Variants in CLASP1 observed in about 807,000 individuals in gnomAD.
CLASP1 encodes the protein cytoplasmic linker associated protein 1.
In CLASP1, 38 loss-of-function variants were observed where a neutral mutation model predicts 192.3. The ratio of observed to expected loss-of-function variants is 0.20; its 90% confidence interval spans 0.15 to 0.26. The LOEUF (loss-of-function observed/expected upper bound fraction) is 0.26, where lower values mean the gene tolerates loss of function less well. CLASP1 is among the 10% of genes least tolerant of loss of function. CLASP1 has a pLI of 1.00. For missense variants in CLASP1, 1,433 were observed against 1,932.5 expected (o/e 0.74, Z 4.85); for synonymous variants, 691 against 712.8 (o/e 0.97, Z 0.49).
chr2:121,590,328 T>A (rs2105736206), intron 2 of CLASP1, among the ~76,000 whole-genome samples: 1 of 152,278 alleles, frequency 6.6e-6, no homozygotes, highest in East Asian at 1.9e-4. Context: ...TCAAGTGCAG[T>A]GATGCTATGG....
intron 1 of CLASP1, among the ~76,000 whole-genome samples, chr2:121,638,765 T>A (rs1418861095): frequency 1.3e-5 from 2 of 151,638 alleles, no homozygotes; most frequent in Non-Finnish European, 2.9e-5. Context: ...CCTCCCAGGA[T>A]CAAGCAATTC....
chr2:121,639,394 T>G (rs750871851), intron 1 of CLASP1, among the ~76,000 whole-genome samples: 4 of 152,184 alleles, frequency 2.6e-5, no homozygotes, highest in Non-Finnish European at 5.9e-5. Context: ...GCAAATCCAT[T>G]GAGTCAGAAA....
chr2:121,459,099 C>T (rs1238352068), intron 12 of CLASP1, 124 bp from the exon 13 acceptor site: 5 of 620,186 alleles, frequency 8.1e-6, no homozygotes, highest in Admixed American at 3.1e-5. Context: ...CTGAGATTTC[C>T]GATGTGCATG....
chr2:121,382,353 G>A (rs1316785285), intron 32 of CLASP1, 29 bp from the exon 34 acceptor site: 4 of 1,423,822 alleles, frequency 2.8e-6, no homozygotes, highest in South Asian at 1.4e-5. Flanking sequence ...GAAAATCAGA[G>A]AGAGAAATAC....
intron 22 of CLASP1, among the ~76,000 whole-genome samples, chr2:121,421,932 C>T (rs562810828): frequency 6.6e-4 from 100 of 152,340 alleles, no homozygotes; most frequent in Non-Finnish European, 1.3e-3. Context: ...AGTCTTGTCT[C>T]TTTAAGTGCC....
intron 2 of CLASP1, among the ~76,000 whole-genome samples, chr2:121,580,127 T>C (rs2060964381): frequency 6.6e-6 from 1 of 152,240 alleles, no homozygotes; most frequent in African/African-American, 2.4e-5. Context: ...ATTGTCCATA[T>C]ATTAAAGATG....
chr2:121,544,076 A>G (rs190415278), intron 2 of CLASP1, among the ~76,000 whole-genome samples: 10 of 152,348 alleles, frequency 6.6e-5, no homozygotes, highest in South Asian at 6.2e-4. Flanking sequence ...TAGTCTTACA[A>G]AAGGGCAAAC....
chr2:121,503,506 G>C (rs2150254183), intron 7 of CLASP1, among the ~76,000 whole-genome samples: 1 of 152,316 alleles, frequency 6.6e-6, no homozygotes, highest in African/African-American at 2.4e-5. Context: ...GGAGATTCTA[G>C]CCCTGAGAGT....
chr2:121,624,101 T>A (rs1326235245), intron 1 of CLASP1, among the ~76,000 whole-genome samples: 1 of 152,188 alleles, frequency 6.6e-6, no homozygotes, highest in East Asian at 1.9e-4. Flanking sequence ...ATTTTTGGTT[T>A]GATTTTCCCT....
At chr2:121,642,534 C>T (rs950567568) in intron 1 of CLASP1, among the ~76,000 whole-genome samples, 7 of 151,782 alleles carry the variant, frequency 4.6e-5, no homozygotes, top group African/African-American at 1.7e-4. Context: ...GAGTTCGAGA[C>T]CAGCCTGGCC....
intron 4 of CLASP1, 57 bp downstream of exon 4, chr2:121,528,620 G>T: frequency 1.5e-6 from 2 of 1,313,058 alleles, no homozygotes; most frequent in Non-Finnish European, 2.2e-6. Flanking sequence ...ACACACCCTC[G>T]CACGTGCATG....
At chr2:121,453,576 C>T (rs2086007752) in intron 14 of CLASP1, among the ~76,000 whole-genome samples, 1 of 152,186 alleles carries the variant, frequency 6.6e-6, no homozygotes, top group East Asian at 1.9e-4. Flanking sequence ...TGCCCCAATC[C>T]CCAATCTAGA....
At chr2:121,384,053 CATATATGTAT>C (rs1558972499) in intron 32 of CLASP1, among the ~76,000 whole-genome samples, 1 of 135,360 alleles carries the variant, frequency 7.4e-6, no homozygotes, top group Non-Finnish European at 1.6e-5. Context: ...TATATACACA[CATATATGTAT>C]ATATACACAC....
chr2:121,624,245 C>T (rs1039387753), intron 1 of CLASP1, among the ~76,000 whole-genome samples: 1 of 151,924 alleles, frequency 6.6e-6, no homozygotes, highest in Non-Finnish European at 1.5e-5. Flanking sequence ...GATTTGACAT[C>T]TTTCTTCTTT....
intron 34 of CLASP1, among the ~76,000 whole-genome samples, chr2:121,374,362 C>CA: frequency 6.6e-6 from 1 of 152,340 alleles, no homozygotes; most frequent in East Asian, 1.9e-4. Flanking sequence ...GATGTCCAGG[C>CA]AAAAGTCTGC....
intron 39 of CLASP1, among the ~76,000 whole-genome samples, chr2:121,344,237 C>A (rs2063154205): frequency 6.6e-6 from 1 of 152,160 alleles, no homozygotes; most frequent in Admixed American, 6.5e-5. Flanking sequence ...AGCAACATGG[C>A]ATCTCTCCAA....
intron 2 of CLASP1, among the ~76,000 whole-genome samples, chr2:121,540,693 A>C (rs1379736388): frequency 2.0e-5 from 3 of 152,016 alleles, no homozygotes; most frequent in Non-Finnish European, 4.4e-5. Flanking sequence ...AGGCTGAGGC[A>C]GGAGAATCGC....
At chr2:121,533,578 T>C (rs558215006) in intron 2 of CLASP1, among the ~76,000 whole-genome samples, 1 of 152,330 alleles carries the variant, frequency 6.6e-6, no homozygotes, top group Admixed American at 6.5e-5. Context: ...TTCTTCTGCA[T>C]GGCTCACTGG....
intron 30 of CLASP1, among the ~76,000 whole-genome samples, chr2:121,392,360 A>C (rs368620297): frequency 1.2e-4 from 19 of 152,396 alleles, no homozygotes; most frequent in South Asian, 1.0e-3. Flanking sequence ...AGCAGCAGCA[A>C]AACCAAAACA....
Sources: allele counts gnomAD v4.1 joint callset (sites outside exome capture counted in the v4.1 genomes callset), GRCh38; gene constraint gnomAD v4.1.1; transcripts MANE v1.5; gene names NCBI Gene and HGNC (gene_info 2026-07-23, HGNC 2026-07-21).